The following TADA1 variants were observed in gnomAD, a reference collection of about 807,000 sequenced individuals.
The protein encoded by TADA1 is transcriptional adaptor 1.
A neutral mutation model predicts 39.3 loss-of-function variants in TADA1; 23 were observed. That is an observed-to-expected ratio of 0.58 (90% CI 0.42 to 0.83). The LOEUF is 0.83. TADA1 is among the 40% of genes least tolerant of loss of function. TADA1 has a pLI of 0.00. For missense variants in TADA1, 352 were observed against 408.1 expected (o/e 0.86, Z 1.18); for synonymous variants, 137 against 151.8 (o/e 0.90, Z 0.72).
chr1:166,870,049 C>T (rs1352430626), intron 1 of TADA1, among the ~76,000 whole-genome samples, 195 bp from the exon 2 acceptor site: 1 of 152,054 alleles, frequency 6.6e-6, no homozygotes, highest in African/African-American at 2.4e-5. Flanking sequence ...GGGACTACAG[C>T]ATGAACACAT....
chr1:166,870,446 G>A (rs964065282), intron 1 of TADA1, among the ~76,000 whole-genome samples: 4 of 152,136 alleles, frequency 2.6e-5, no homozygotes, highest in Admixed American at 6.5e-5. Flanking sequence ...TTGTTTAAGC[G>A]AACCAGTCTG....
At chr1:166,860,828 C>G (rs1658390574) in intron 5 of TADA1, among the ~76,000 whole-genome samples, 1 of 152,132 alleles carries the variant, frequency 6.6e-6, no homozygotes, top group African/African-American at 2.4e-5. Flanking sequence ...CACCACCAAG[C>G]CTGGCTAATT....
chr1:166,866,645 T>C (rs771328155), intron 3 of TADA1, among the ~76,000 whole-genome samples: 3 of 152,324 alleles, frequency 2.0e-5, no homozygotes, highest in African/African-American at 7.2e-5. Flanking sequence ...TTAAAATAAC[T>C]ATTAACAACC....
intron 4 of TADA1, 196 bp from the exon 5 acceptor site, chr1:166,862,608 G>T: frequency 1.7e-6 from 1 of 597,888 alleles, no homozygotes; most frequent in Non-Finnish European, 3.0e-6. Context: ...ATGAAGACAT[G>T]GATTAAGGGG....
At chr1:166,869,644 T>C (rs979336135) in intron 2 of TADA1, 119 bp downstream of exon 2, 1 of 1,380,578 alleles carries the variant, frequency 7.2e-7, no homozygotes, top group African/African-American at 1.4e-5. Context: ...ATCCACATTA[T>C]TAAGATAACC....
chr1:166,865,640 T>C (rs944779241), intron 3 of TADA1, among the ~76,000 whole-genome samples: 14 of 151,798 alleles, frequency 9.2e-5, no homozygotes, highest in Non-Finnish European at 1.8e-4. Flanking sequence ...GGTGAAACCC[T>C]GTCTCTACTA....
At chr1:166,864,815 G>A (rs912101607) in intron 3 of TADA1, among the ~76,000 whole-genome samples, 2 of 152,130 alleles carry the variant, frequency 1.3e-5, no homozygotes, top group African/African-American at 4.8e-5. Context: ...AAGGAAGGTG[G>A]GGAGGGAATA....
chr1:166,860,360 A>T, intron 5 of TADA1, 23 bp from the exon 6 acceptor site: 1 of 1,575,456 alleles, frequency 6.3e-7, no homozygotes, highest in South Asian at 1.2e-5. Flanking sequence ...AAAAAGAAAA[A>T]TAGCATGATA....
intron 5 of TADA1, among the ~76,000 whole-genome samples, 196 bp from the exon 6 acceptor site, chr1:166,860,533 G>A (rs1384356731): frequency 6.6e-6 from 1 of 152,064 alleles, no homozygotes; most frequent in Non-Finnish European, 1.5e-5. Flanking sequence ...GGAAAGAGGG[G>A]GACATGCTTA....
intron 1 of TADA1, among the ~76,000 whole-genome samples, chr1:166,870,351 G>T (rs889717903): frequency 5.3e-5 from 8 of 152,158 alleles, no homozygotes; most frequent in Non-Finnish European, 1.0e-4. Flanking sequence ...CAACAAGAAG[G>T]CTGTCATCTA....
At chr1:166,864,136 GA>G (rs1658476883) in intron 3 of TADA1, among the ~76,000 whole-genome samples, 1 of 152,010 alleles carries the variant, frequency 6.6e-6, no homozygotes, top group South Asian at 2.1e-4. Flanking sequence ...ATTTTTTTAG[GA>G]AGACAAATTT....
chr1:166,874,690 G>A (rs1018173524), intron 1 of TADA1, among the ~76,000 whole-genome samples: 5 of 152,212 alleles, frequency 3.3e-5, no homozygotes, highest in Admixed American at 3.3e-4. Flanking sequence ...CAGCAGGGGA[G>A]GATCTCTTGA....
In TADA1 at chr1:166,856,942, G is replaced by T. The variant is rs1658291912; in HGVS notation, c.*625C>A. 1 of 152,212 alleles carries T rather than the reference G, an allele frequency of 6.6e-6. No individual in the cohort carries two copies. The highest frequency in any genetic ancestry group is 2.4e-5 in the African/African-American group (1 of 41,448). 9.4% of individuals were successfully genotyped at this position (152,212 alleles called of 1,614,324 possible). A position where few individuals can be genotyped will look rare whatever the true frequency, so the allele number is the denominator to read the frequency against. ...AATTGCATTACAAGAGTTTTGTTTTGACTTTGGTTTTAAATGCAAAGAGGG... is the reference window on the plus strand; with the variant it reads ...AATTGCATTACAAGAGTTTTGTTTTTACTTTGGTTTTAAATGCAAAGAGGG... On this transcript the variant is annotated 3_prime_UTR_variant, in exon 8 of 8. Transcript: ENST00000367874.
chr1:166,869,883 C>A (rs748897396), intron 1 of TADA1, 29 bp from the exon 2 acceptor site: 3 of 1,580,574 alleles, frequency 1.9e-6, no homozygotes, highest in Non-Finnish European at 2.6e-6. Context: ...TACTAAGAAC[C>A]ACAGATTTGG....
intron 5 of TADA1, among the ~76,000 whole-genome samples, chr1:166,861,182 G>C (rs1571237646): frequency 6.6e-6 from 1 of 152,162 alleles, no homozygotes; most frequent in Non-Finnish European, 1.5e-5. Context: ...AAAGGTTGAG[G>C]AAGCCTGTGA....
chr1:166,876,089 G>C, intron 1 of TADA1, 71 bp downstream of exon 1: 1 of 1,443,282 alleles, frequency 6.9e-7, no homozygotes, highest in East Asian at 2.6e-5. Flanking sequence ...CGTCTCCGGG[G>C]CGGGCTGGCA....
chr1:166,865,747 A>G (rs1658516797), intron 3 of TADA1, among the ~76,000 whole-genome samples: 1 of 151,978 alleles, frequency 6.6e-6, no homozygotes, highest in Non-Finnish European at 1.5e-5. Flanking sequence ...TGAACCTGGG[A>G]GGCGGAGCTT....
chr1:166,872,534 T>C (rs1658680948), intron 1 of TADA1, among the ~76,000 whole-genome samples: 1 of 152,138 alleles, frequency 6.6e-6, no homozygotes, highest in Admixed American at 6.5e-5. Flanking sequence ...TAGCCAGGTG[T>C]GGTGGAACGC....
intron 1 of TADA1, among the ~76,000 whole-genome samples, chr1:166,871,076 GA>G (rs897097567): frequency 6.7e-6 from 1 of 149,636 alleles, no homozygotes; most frequent in African/African-American, 2.5e-5. Context: ...CTAACTGGCT[GA>G]AAAAAAAATG....
Sources: allele counts gnomAD v4.1 joint callset (sites outside exome capture counted in the v4.1 genomes callset), GRCh38; gene constraint gnomAD v4.1.1; transcripts MANE v1.5; gene names NCBI Gene and HGNC (gene_info 2026-07-23, HGNC 2026-07-21).